FSTL5: variants seen among roughly 807,000 people sequenced by gnomAD.
The protein encoded by FSTL5 is follistatin-related protein 5.
Under a neutral mutation model 89.1 loss-of-function variants are expected in FSTL5, and 62 were observed. The ratio of observed to expected loss-of-function variants is 0.70; its 90% CI spans 0.57 to 0.86. FSTL5 has a LOEUF of 0.86. Ranked by LOEUF, FSTL5 falls within the 40% of genes least tolerant of loss-of-function variation. The pLI is 0.00. For synonymous variants in FSTL5, 383 were observed against 346.2 expected, an observed-to-expected ratio of 1.11 and a Z score of -1.18; for missense variants, 1,057 against 1,001.6, an observed-to-expected ratio of 1.06 and a Z score of -0.75.
chr4:162,002,436 C>T (rs2111109008), intron 3 of FSTL5, among the ~76,000 whole-genome samples: 1 of 152,284 alleles, frequency 6.6e-6, no homozygotes, highest in East Asian at 1.9e-4. Context: ...TTAGGCTATC[C>T]ACAATATCTT....
At chr4:161,761,485 G>A (rs1332051905) in intron 5 of FSTL5, among the ~76,000 whole-genome samples, 1 of 152,152 alleles carries the variant, frequency 6.6e-6, no homozygotes, top group Non-Finnish European at 1.5e-5. Flanking sequence ...ACATTTTAAT[G>A]ACTTTTAGTC....
At chr4:162,015,691 G>A (rs1736896686) in intron 3 of FSTL5, among the ~76,000 whole-genome samples, 1 of 152,158 alleles carries the variant, frequency 6.6e-6, no homozygotes, top group African/African-American at 2.4e-5. Context: ...TAACTAACTA[G>A]TCATAAACTG....
intron 6 of FSTL5, among the ~76,000 whole-genome samples, chr4:161,742,394 CAG>C (rs1191281377): frequency 2.0e-5 from 3 of 152,128 alleles, no homozygotes; most frequent in African/African-American, 7.2e-5. Flanking sequence ...ATATTGAGGA[CAG>C]AGAGAGGGGA....
intron 2 of FSTL5, among the ~76,000 whole-genome samples, chr4:162,066,154 G>T (rs903222546): frequency 4.6e-5 from 7 of 151,682 alleles, no homozygotes; most frequent in African/African-American, 1.7e-4. Flanking sequence ...TCTGTTATTT[G>T]ATTCTTTTCC....
At chr4:161,881,328 A>G (rs1249317581) in intron 4 of FSTL5, among the ~76,000 whole-genome samples, 1 of 151,830 alleles carries the variant, frequency 6.6e-6, no homozygotes, top group African/African-American at 2.4e-5. Flanking sequence ...GTGGATTTAA[A>G]TTAGATACTA....
At chr4:161,919,646 C>T (rs1406421095) in intron 4 of FSTL5, among the ~76,000 whole-genome samples, 1 of 152,112 alleles carries the variant, frequency 6.6e-6, no homozygotes, top group African/African-American at 2.4e-5. Context: ...GATGGAAGTT[C>T]TACACATTTA....
chr4:161,696,278 G>C (rs759044019), intron 6 of FSTL5, among the ~76,000 whole-genome samples: 8 of 152,014 alleles, frequency 5.3e-5, no homozygotes, highest in Non-Finnish European at 1.2e-4. Flanking sequence ...TAAGTATTTG[G>C]GTTTATTACT....
At chr4:161,820,944 A>C (rs75095849) in intron 4 of FSTL5, among the ~76,000 whole-genome samples, 1 of 9,052 alleles carries the variant, frequency 1.1e-4, no homozygotes, top group African/African-American at 2.6e-4. Flanking sequence ...TTGGTTGTCC[A>C]AAAAAAAAAA....
intron 4 of FSTL5, among the ~76,000 whole-genome samples, chr4:161,844,970 A>G (rs1731322836): frequency 6.6e-6 from 1 of 152,278 alleles, no homozygotes; most frequent in South Asian, 2.1e-4. Context: ...TAATAAAAAT[A>G]AAAATAACAA....
rs555530737 is a variant in FSTL5 at position 161,937,455 on chromosome 4, T to C, written c.161-16803A>G. Among the ~76,000 whole-genome samples the C allele has an allele frequency of 1.5e-4, 23 of 152,154 alleles. No individual in the cohort carries two copies. The South Asian group carries it at 4.6e-3, about 30-fold the overall frequency. On this transcript the variant is annotated intron_variant, in intron 3 of 15. Transcript: ENST00000306100. The stretch of plus-strand genomic sequence containing the variant: ...CAGTGCACAGTAAAATGAATTAGAA[T>C]AGACACATATCATGGCACACTGTAA...
At chr4:162,039,678 A>T in intron 2 of FSTL5, among the ~76,000 whole-genome samples, 1 of 152,100 alleles carries the variant, frequency 6.6e-6, no homozygotes, top group African/African-American at 2.4e-5. Flanking sequence ...GCTGAAAATA[A>T]GTTCATTTCT....
chr4:162,158,378 C>A (rs978036957), intron 1 of FSTL5, among the ~76,000 whole-genome samples: 2 of 151,912 alleles, frequency 1.3e-5, no homozygotes, highest in Non-Finnish European at 2.9e-5. Flanking sequence ...GAGGGAAAAC[C>A]CCTTAAGGTC....
At chr4:161,459,059 A>T (rs554950055) in intron 14 of FSTL5, among the ~76,000 whole-genome samples, 153 bp downstream of exon 14, 16 of 55,348 alleles carry the variant, frequency 2.9e-4, no homozygotes, top group African/African-American at 1.0e-3. Context: ...CATGAATGCC[A>T]ACTTTTTTGC....
At chr4:162,027,213 C>A (rs898084779) in intron 3 of FSTL5, among the ~76,000 whole-genome samples, 1 of 152,044 alleles carries the variant, frequency 6.6e-6, no homozygotes, top group African/African-American at 2.4e-5. Context: ...CAACTTATTT[C>A]AATGAGTTTT....
intron 11 of FSTL5, among the ~76,000 whole-genome samples, chr4:161,504,017 C>G (rs924032444): frequency 1.3e-5 from 2 of 151,886 alleles, no homozygotes. Context: ...TATCACAATT[C>G]ATGCAGAAGC....
chr4:161,892,223 T>G (rs538430714), intron 4 of FSTL5, among the ~76,000 whole-genome samples: 1 of 151,964 alleles, frequency 6.6e-6, no homozygotes, highest in Non-Finnish European at 1.5e-5. Context: ...ATAACTTGCT[T>G]TTTTCTACTA....
At chr4:161,597,688 G>A (rs767236243) in intron 7 of FSTL5, among the ~76,000 whole-genome samples, 12 of 151,442 alleles carry the variant, frequency 7.9e-5, no homozygotes, top group Non-Finnish European at 2.9e-5. Flanking sequence ...AAGGAGACAA[G>A]CAGAAGAAGC....
chr4:161,519,399 A>T (rs1371162361), intron 10 of FSTL5, among the ~76,000 whole-genome samples: 1 of 151,966 alleles, frequency 6.6e-6, no homozygotes, highest in Non-Finnish European at 1.5e-5. Context: ...GGTGGTGGGC[A>T]CCTGTAGTCC....
chr4:161,920,469 T>G lies in FSTL5; in HGVS notation c.344A>C (p.His115Pro), dbSNP rs144893046. The change falls in exon 4 of 16, where the codon CAC (histidine) becomes CCC (proline). Residue 115 changes from histidine (H) to proline (P), a missense_variant. By Grantham distance (77) the His-to-Pro change is moderately conservative. Transcript: ENST00000306100. ...TTGTTTTTTCAGGCAAGCAGCTCTG[T>G]GCACTTCACAGTGGTTTTCATAGAA... Reference protein sequence around the residue: ...GEFYENHCEVHRAACLKKQKI... With the variant: ...GEFYENHCEVPRAACLKKQKI... 6.2e-7 allele frequency: 1 copy of G among 1,613,882 alleles called. No individual in the cohort carries two copies. Among genetic ancestry groups the G allele is most frequent in the African/African-American group, 1.3e-5 (1 of 74,900 alleles).
Sources: allele counts gnomAD v4.1 joint callset (sites outside exome capture counted in the v4.1 genomes callset), GRCh38; gene constraint gnomAD v4.1.1; transcripts MANE v1.5; gene names NCBI Gene and HGNC (gene_info 2026-07-23, HGNC 2026-07-21).